The following NSD1 variants were observed in gnomAD, a reference collection of about 807,000 sequenced individuals.
The protein encoded by NSD1 is nuclear receptor binding SET domain protein 1.
A neutral mutation model predicts 242.7 loss-of-function variants in NSD1; 26 were observed. That is an observed-to-expected ratio of 0.11 (90% confidence interval 0.08 to 0.15). NSD1 has a LOEUF of 0.15. Among genes scored for constraint, NSD1 ranks in the 10% least tolerant of loss-of-function variants. The pLI, the probability that NSD1 is intolerant of heterozygous loss-of-function variation, is 1.00. For missense variants in NSD1, 2,495 were observed against 3,272.8 expected, an observed-to-expected ratio of 0.76 and a Z score of 5.80; for synonymous variants, 1,106 against 1,178.1, an observed-to-expected ratio of 0.94 and a Z score of 1.25.
intron 5 of NSD1, among the ~76,000 whole-genome samples, chr5:177,230,551 C>G (rs370877038): frequency 6.6e-6 from 1 of 151,856 alleles, no homozygotes; most frequent in Non-Finnish European, 1.5e-5. Context: ...CGTGGCCAGG[C>G]GTGGTGGCTC....
At chr5:177,167,172 G>T (rs1759274917) in intron 2 of NSD1, among the ~76,000 whole-genome samples, 1 of 152,120 alleles carries the variant, frequency 6.6e-6, no homozygotes, top group African/African-American at 2.4e-5. Context: ...ATTCAAAAGA[G>T]ACTAATTTTT....
chr5:177,136,094 G>C (rs1393464059), intron 2 of NSD1, 64 bp downstream of exon 2: 3 of 1,414,600 alleles, frequency 2.1e-6, no homozygotes, highest in Admixed American at 3.6e-5. Context: ...CACTTAAAGG[G>C]AAACTTGTAA....
chr5:177,295,813 A>G lies in NSD1; in HGVS notation c.*354A>G. On this transcript the variant is annotated 3_prime_UTR_variant, in exon 23 of 23. Transcript: ENST00000439151. The surrounding 1 kb of genome is among the most constrained non-coding windows in gnomAD (Gnocchi z 4.3). ...GGTTGGAAGGTATAGGGGCTCTCAA[A>G]GCGATTTCCCCAACCAGACAGAGCC... The G allele has an allele frequency of 2.3e-6, 1 of 439,858 alleles. No homozygotes were observed. Among genetic ancestry groups the G allele is most frequent in the Non-Finnish European group, 4.2e-6 (1 of 236,420 alleles). The allele number at this position is 439,858 out of a possible 1,614,324, so 27.2% of individuals were successfully genotyped here.
intron 12 of NSD1, among the ~76,000 whole-genome samples, chr5:177,253,630 C>T (rs1756183293): frequency 6.6e-6 from 1 of 151,910 alleles, no homozygotes; most frequent in South Asian, 2.1e-4. Flanking sequence ...CCTCCCCCTC[C>T]CATTTTTCTT....
At chr5:177,239,380 C>A (rs891139530) in intron 7 of NSD1, among the ~76,000 whole-genome samples, 1 of 152,282 alleles carries the variant, frequency 6.6e-6, no homozygotes, top group East Asian at 1.9e-4. Flanking sequence ...AGGGGCAGAG[C>A]AGAAACTATA....
At chr5:177,187,536 A>G (rs999311498) in intron 2 of NSD1, among the ~76,000 whole-genome samples, 3 of 152,186 alleles carry the variant, frequency 2.0e-5, no homozygotes, top group Non-Finnish European at 2.9e-5. Flanking sequence ...ATGCAATACC[A>G]CAAACTAGCT....
At position 177,295,284 on chromosome 5, in the gene NSD1, T is replaced by C. The variant is rs748481782; in HGVS notation, c.7916T>C (p.Ile2639Thr). 2 of 1,614,208 alleles carry C rather than the reference T, an allele frequency of 1.2e-6. No individual in the cohort carries two copies. The highest frequency in any genetic ancestry group is 1.7e-6 in the Non-Finnish European group (2 of 1,180,038). ...KASSRAGLWP[I>T]VAGQTLAQSC... ...TCATCACGGGCAGGGCTCTGGCCCA[T>C]AGTGGCTGGACAGACACTGGCACAG... The change falls in exon 23 of 23, where the codon ATA becomes ACA. Residue 2639 changes from isoleucine (I) to threonine (T), a missense_variant. By Grantham distance (89) the Ile-to-Thr change is moderately conservative. Coordinates refer to ENST00000439151, the MANE Select transcript of NSD1 (RefSeq NM_022455.5). This position sits in a 1 kb window ranked among gnomAD's most constrained non-coding sequence, Gnocchi z 4.3.
At chr5:177,162,424 C>T (rs1369381856) in intron 2 of NSD1, among the ~76,000 whole-genome samples, 1 of 151,888 alleles carries the variant, frequency 6.6e-6, no homozygotes, top group African/African-American at 2.4e-5. Flanking sequence ...AGATGGGGGT[C>T]TCACTCTGTC....
rs1268067571 is a variant in NSD1, at chr5:177,297,470, G to A, written c.*2011G>A. Reference sequence around the variant, plus strand: ...ATAAATATATAACTGCAGCTAGTAGGTCCCTTTCCCTAATCTTTTAGGTCA... The same window carrying A: ...ATAAATATATAACTGCAGCTAGTAGATCCCTTTCCCTAATCTTTTAGGTCA... On this transcript the variant is annotated 3_prime_UTR_variant, in exon 23 of 23. Coordinates refer to ENST00000439151, the MANE Select transcript of NSD1 (RefSeq NM_022455.5). The A allele has an allele frequency of 1.7e-5, 4 of 230,944 alleles. No individual in the cohort carries two copies. The highest frequency in any genetic ancestry group is 3.4e-5 in the Non-Finnish European group (4 of 116,946). The allele number at this position is 230,944 out of a possible 1,614,324, so 14.3% of individuals were successfully genotyped here. A position where few individuals can be genotyped will look rare whatever the true frequency, so the allele number is the denominator to read the frequency against.
intron 2 of NSD1, among the ~76,000 whole-genome samples, chr5:177,157,165 T>C (rs1437128088): frequency 1.3e-5 from 2 of 151,822 alleles, no homozygotes; most frequent in African/African-American, 2.4e-5. Context: ...GTCAGGAGTT[T>C]GAGACCAGCC....
At chr5:177,212,370 A>G (rs1261674286) in intron 5 of NSD1, among the ~76,000 whole-genome samples, 175 bp downstream of exon 5, 3 of 152,012 alleles carry the variant, frequency 2.0e-5, no homozygotes, top group Non-Finnish European at 4.4e-5. Context: ...TGAAGATGAG[A>G]TTTCCATATA....
intron 14 of NSD1, among the ~76,000 whole-genome samples, chr5:177,262,162 A>G (rs1278438921): frequency 6.6e-6 from 1 of 152,160 alleles, no homozygotes; most frequent in Non-Finnish European, 1.5e-5. Flanking sequence ...CTCATTTTTA[A>G]TCCTCTGTAG....
intron 3 of NSD1, among the ~76,000 whole-genome samples, chr5:177,199,434 T>C (rs193245132): frequency 2.2e-4 from 33 of 152,198 alleles, no homozygotes; most frequent in Admixed American, 2.1e-3. Context: ...ATTTTTAAAT[T>C]TTTTTATAGA....
intron 3 of NSD1, among the ~76,000 whole-genome samples, chr5:177,195,203 C>A (rs565718918): frequency 1.3e-5 from 2 of 152,030 alleles, no homozygotes; most frequent in South Asian, 4.2e-4. Context: ...AATACCTTGA[C>A]CAGACACGGT....
rs143440299 is a variant in NSD1, at chr5:177,286,854, G to T, written c.6152-1965G>T. Among the ~76,000 whole-genome samples the T allele has an allele frequency of 8.5e-3, 1,301 of 152,272 alleles. 19 individuals carry two copies. Among genetic ancestry groups the T allele is most frequent in the Non-Finnish European group, 9.3e-3 (634 of 68,028 alleles). ...TTTTTTTCCTGTGTTCATCAGCTCA[G>T]GTAGCTTGGTGTTGAAATTCTCAGA... On this transcript the variant is annotated intron_variant, in intron 20 of 22. Coordinates refer to ENST00000439151, the MANE Select transcript of NSD1 (RefSeq NM_022455.5).
At chr5:177,225,895 C>T (rs547901188) in intron 5 of NSD1, among the ~76,000 whole-genome samples, 10 of 152,268 alleles carry the variant, frequency 6.6e-5, no homozygotes, top group Non-Finnish European at 1.2e-4. Context: ...CAGAGATACT[C>T]AGTGTATGAA....
chr5:177,152,581 G>A (rs1018115292), intron 2 of NSD1, among the ~76,000 whole-genome samples: 5 of 147,878 alleles, frequency 3.4e-5, no homozygotes, highest in East Asian at 2.0e-4. Context: ...AGCCTCCCAA[G>A]TAGCTGGGAC....
At chr5:177,266,705 C>T (rs1488591854) in intron 14 of NSD1, 1 of 279,752 alleles carries the variant, frequency 3.6e-6, no homozygotes. Flanking sequence ...ATATTCTTTG[C>T]TAAGGCTTTA....
In NSD1 at chr5:177,280,756, G is replaced by A. The variant is rs1758807924; in HGVS notation, c.5814G>A (p.Lys1938=). Residue 1938 remains lysine (K), a synonymous_variant, in exon 18 of 23, where the codon AAG becomes AAA. Transcript: ENST00000439151. ...GCTGTCAAAACCAGTGCTTTTCCAAGCGCCAATATCCAGAGGTTGAAATTT... is the reference window on the plus strand; with the variant it reads ...GCTGTCAAAACCAGTGCTTTTCCAAACGCCAATATCCAGAGGTTGAAATTT... The part of the protein sequence containing the change: ...GGRCQNQCFS[K]RQYPEVEIFR... 1.2e-6 allele frequency: 2 copies of A among 1,614,100 alleles called. No individual in the cohort carries two copies. Among genetic ancestry groups the A allele is most frequent in the African/African-American group, 2.7e-5 (2 of 74,948 alleles).
Sources: gnomAD v4.1 joint callset for allele counts (sites outside exome capture counted in the v4.1 genomes callset) on GRCh38, gnomAD v4.1.1 for gene constraint, Gnocchi (gnomAD v3.1) non-coding constraint, MANE v1.5 for transcripts, NCBI Gene and HGNC (gene_info 2026-07-23, HGNC 2026-07-21) for gene names.